PIP5K1B: variants seen among roughly 807,000 people sequenced by gnomAD.
PIP5K1B encodes the protein phosphatidylinositol 4-phosphate 5-kinase type-1 beta.
PIP5K1B carries 42 observed loss-of-function variants against 67.0 expected under a neutral mutation model. That is an observed-to-expected ratio of 0.63 (90% CI 0.49 to 0.81). The LOEUF (loss-of-function observed/expected upper bound fraction) is 0.81. PIP5K1B is among the 30% of genes least tolerant of loss of function. The pLI is 0.00. For missense variants in PIP5K1B, 459 were observed against 646.3 expected (o/e 0.71, Z 3.14); for synonymous variants, 214 against 231.4 (o/e 0.92, Z 0.68).
chr9:68,855,145 A>G (rs1822700330), intron 4 of PIP5K1B, among the ~76,000 whole-genome samples: 1 of 152,182 alleles, frequency 6.6e-6, no homozygotes, highest in Admixed American at 6.5e-5. Flanking sequence ...TTATCAGATG[A>G]AAGAGCTACT....
chr9:68,712,080 A>G (rs1827420233), intron 1 of PIP5K1B, among the ~76,000 whole-genome samples: 1 of 152,178 alleles, frequency 6.6e-6, no homozygotes. Context: ...GCCTGATGGG[A>G]AGAATTTGAG....
chr9:68,997,266 C>CT (rs1269902451), intron 15 of PIP5K1B, among the ~76,000 whole-genome samples: 2 of 152,154 alleles, frequency 1.3e-5, no homozygotes, highest in East Asian at 1.9e-4. Flanking sequence ...TTCAGTGGAA[C>CT]TTTTTTGGCA....
At chr9:68,815,469 G>A (rs1322426665) in intron 2 of PIP5K1B, among the ~76,000 whole-genome samples, 7 of 151,980 alleles carry the variant, frequency 4.6e-5, no homozygotes, top group Non-Finnish European at 1.0e-4. Context: ...TTAGGAATGA[G>A]GAAAAAAAAT....
intron 6 of PIP5K1B, among the ~76,000 whole-genome samples, chr9:68,887,238 C>G (rs563025203): frequency 6.1e-4 from 93 of 152,336 alleles, no homozygotes; most frequent in Non-Finnish European, 4.9e-4. Flanking sequence ...CTGTCTGTTT[C>G]CTCCTACTGG....
intron 2 of PIP5K1B, among the ~76,000 whole-genome samples, chr9:68,795,605 C>T (rs995133002): frequency 2.6e-5 from 4 of 152,114 alleles, no homozygotes; most frequent in Non-Finnish European, 5.9e-5. Flanking sequence ...TCACAGAAAT[C>T]TGTGATATGT....
At chr9:68,825,613 A>G (rs1228080805) in intron 4 of PIP5K1B, among the ~76,000 whole-genome samples, 3 of 152,202 alleles carry the variant, frequency 2.0e-5, no homozygotes, top group Non-Finnish European at 2.9e-5. Context: ...AGAAGCTTTG[A>G]TGACCCATTG....
At chr9:68,828,326 T>TCGC (rs1458685674) in intron 4 of PIP5K1B, among the ~76,000 whole-genome samples, 1 of 152,254 alleles carries the variant, frequency 6.6e-6, no homozygotes, top group Admixed American at 6.5e-5. Context: ...CACCGAGGCC[T>TCGC]CGCCTACAGT....
chr9:68,729,539 G>A (rs937803526), intron 1 of PIP5K1B, among the ~76,000 whole-genome samples: 1 of 152,066 alleles, frequency 6.6e-6, no homozygotes, highest in Non-Finnish European at 1.5e-5. Context: ...GTGAGAAAGG[G>A]AACATATCTA....
intron 15 of PIP5K1B, among the ~76,000 whole-genome samples, chr9:68,993,049 C>G (rs912873719): frequency 1.3e-4 from 19 of 151,956 alleles, no homozygotes; most frequent in Admixed American, 3.9e-4. Flanking sequence ...GTAGTCCCAG[C>G]TACTCGGAAG....
At chr9:68,953,780 T>A (rs1211013089) in intron 14 of PIP5K1B, among the ~76,000 whole-genome samples, 1 of 137,994 alleles carries the variant, frequency 7.2e-6, no homozygotes, top group Non-Finnish European at 1.5e-5. Context: ...TACTCCAGCC[T>A]GGGCAACAGA....
At chr9:69,007,589 G>A (rs1178994156) in intron 15 of PIP5K1B, among the ~76,000 whole-genome samples, 1 of 152,176 alleles carries the variant, frequency 6.6e-6, no homozygotes, top group Admixed American at 6.5e-5. Context: ...CGGGTGAGGT[G>A]GCTCACGCCT....
chr9:68,750,388 C>T (rs1829564090), intron 2 of PIP5K1B, among the ~76,000 whole-genome samples: 2 of 152,200 alleles, frequency 1.3e-5, no homozygotes, highest in Non-Finnish European at 2.9e-5. Flanking sequence ...CAAGCAAAAC[C>T]CTTCCATCTG....
chr9:68,977,522 C>T (rs1329411266), intron 14 of PIP5K1B, among the ~76,000 whole-genome samples: 3 of 151,428 alleles, frequency 2.0e-5, no homozygotes, highest in African/African-American at 7.3e-5. Flanking sequence ...GACTTTGTCT[C>T]AAAAAAAGAA....
rs1830347399 is a variant in PIP5K1B at position 68,991,196 on chromosome 9, C to T, written c.1559C>T (p.Thr520Ile). ...FTLEEGTIYL[T>I]AEPNTLEVQD... The stretch of plus-strand genomic sequence containing the variant: ...TTGGAAGAGGGGACCATCTACTTGA[C>T]CGCTGAGCCCAACACTCTGGAAGTG... Residue 520 changes from threonine (T) to isoleucine (I), a missense_variant, in exon 15 of 16, where the codon ACC becomes ATC. By Grantham distance (89) the Thr-to-Ile change is moderately conservative. This residue lies in a region of PIP5K1B where 169 missense variants were observed against 171.9 expected (regional missense o/e 0.98). Transcript: ENST00000265382. The T allele has an allele frequency of 2.5e-6, 4 of 1,612,372 alleles. No individual in the cohort carries two copies. In the East Asian group the frequency reaches 6.7e-5, roughly 27 times the overall value.
At chr9:68,906,162 G>A (rs1323938582) in intron 8 of PIP5K1B, among the ~76,000 whole-genome samples, 1 of 152,072 alleles carries the variant, frequency 6.6e-6, no homozygotes, top group Non-Finnish European at 1.5e-5. Context: ...GGGACTACAA[G>A]CACATGCCAC....
chr9:68,822,785 A>G (rs1833795390), intron 4 of PIP5K1B, 102 bp downstream of exon 4: 6 of 809,008 alleles, frequency 7.4e-6, no homozygotes, highest in East Asian at 2.5e-5. Flanking sequence ...GTAAGTTACT[A>G]TCTTAGTTTC....
Position 68,970,352 on chromosome 9 carries a change from G to A in PIP5K1B, c.1503-20788G>A, listed in dbSNP as rs868129425. On this transcript the variant is annotated intron_variant, in intron 14 of 15. Transcript: ENST00000265382. Reference sequence around the variant, plus strand: ...GCACTACGCCAAGTCTTTTAGATGCGTATTCATTGTGTACTTGTAACAGGA... The same window carrying A: ...GCACTACGCCAAGTCTTTTAGATGCATATTCATTGTGTACTTGTAACAGGA... 2.2e-4 allele frequency among the ~76,000 whole-genome samples: 34 copies of A among 152,308 alleles called. No individual in the cohort carries two copies. In the South Asian group the frequency reaches 2.5e-3, roughly 11 times the overall value.
rs144363393 is a variant in PIP5K1B at position 68,782,092 on chromosome 9, T to C, written c.-85-36369T>C. ...TTCCCTTGTTCAGGAAGGAAGCAGCTGTTTCCTTGCCAACAGGTCCCTTCC... is the reference window on the plus strand; with the variant it reads ...TTCCCTTGTTCAGGAAGGAAGCAGCCGTTTCCTTGCCAACAGGTCCCTTCC... On this transcript the variant is annotated intron_variant, in intron 2 of 15. Coordinates refer to ENST00000265382, the MANE Select transcript of PIP5K1B (RefSeq NM_003558.4). The C allele has an allele frequency of 4.6e-3, 772 of 167,224 alleles. 5 individuals are homozygous for C. Among genetic ancestry groups the C allele is most frequent in the South Asian group, 0.024 (118 of 4,824 alleles). 10.4% of individuals were successfully genotyped at this position (167,224 alleles called of 1,614,324 possible). A position where few individuals can be genotyped will look rare whatever the true frequency, so the allele number is the denominator to read the frequency against.
intron 2 of PIP5K1B, among the ~76,000 whole-genome samples, chr9:68,743,240 A>G (rs7040168): frequency 0.95 from 144,231 of 151,036 alleles, 68,936 homozygotes; most frequent in African/African-American, 0.97. Context: ...CAGGGTTGTC[A>G]CTCTGTCTCC....
Sources: gnomAD v4.1 joint callset for allele counts (sites outside exome capture counted in the v4.1 genomes callset) on GRCh38, gnomAD v4.1.1 for gene constraint, gnomAD v4.1.1 regional missense constraint, MANE v1.5 for transcripts, NCBI Gene and HGNC (gene_info 2026-07-23, HGNC 2026-07-21) for gene names.